The following BCR variants were observed in gnomAD, a reference collection of about 807,000 sequenced individuals.
The protein encoded by BCR is BCR activator of RhoGEF and GTPase.
A neutral mutation model predicts 138.6 loss-of-function variants in BCR; 58 were observed. The ratio of observed to expected loss-of-function variants is 0.42; its 90% CI spans 0.34 to 0.52. The LOEUF is 0.52. Ranked by LOEUF, BCR falls within the 20% of genes least tolerant of loss-of-function variation. BCR has a pLI of 0.06. For synonymous variants in BCR, 786 were observed against 730.1 expected, an observed-to-expected ratio of 1.08 and a Z score of -1.23; for missense variants, 1,599 against 1,727.2, an observed-to-expected ratio of 0.93 and a Z score of 1.32.
At chr22:23,273,273 G>C in intron 7 of BCR, 140 bp downstream of exon 7, 2 of 937,130 alleles carry the variant, frequency 2.1e-6, no homozygotes, top group Non-Finnish European at 1.6e-6. Flanking sequence ...AGAGGCCTGG[G>C]GTGGTGTTGG....
chr22:23,181,880 A>G lies in BCR; in HGVS notation c.920A>G (p.Lys307Arg). ...AGCCAGAGCACCTCTGAGCAGGAGA[A>G]GCGCCTTACCTGGCCCCGCAGGTCC... ...LRSQSTSEQE[K>R]RLTWPRRSYS... The change falls in exon 1 of 23, where the codon AAG becomes AGG. Residue 307 changes from lysine to arginine, a missense_variant. This residue lies in a region of BCR where 806 missense variants were observed against 635.0 expected (regional missense o/e 1.27). Coordinates refer to ENST00000305877, the MANE Select transcript of BCR (RefSeq NM_004327.4). 6.2e-7 allele frequency: 1 copy of G among 1,613,334 alleles called. No homozygotes were observed. Among genetic ancestry groups the G allele is most frequent in the Non-Finnish European group, 8.5e-7 (1 of 1,179,936 alleles).
chr22:23,279,895 G>A (rs2073623438), intron 8 of BCR, among the ~76,000 whole-genome samples: 1 of 152,202 alleles, frequency 6.6e-6, no homozygotes, highest in African/African-American at 2.4e-5. Flanking sequence ...CTGGAGATCC[G>A]GCAGGGTGCC....
intron 16 of BCR, among the ~76,000 whole-genome samples, chr22:23,301,158 T>A (rs2073898128): frequency 6.6e-6 from 1 of 152,274 alleles, no homozygotes; most frequent in South Asian, 2.1e-4. Context: ...ACAAAAAAAT[T>A]AGCCAGGCGC....
chr22:23,243,421 T>C (rs1047416114), intron 1 of BCR, among the ~76,000 whole-genome samples: 1 of 152,128 alleles, frequency 6.6e-6, no homozygotes, highest in African/African-American at 2.4e-5. Flanking sequence ...GCCTACCTAG[T>C]GGAACCTCCA....
chr22:23,280,351 G>A (rs914620970), intron 8 of BCR, among the ~76,000 whole-genome samples: 2 of 152,220 alleles, frequency 1.3e-5, no homozygotes, highest in Non-Finnish European at 2.9e-5. Context: ...CTCCTCAGAA[G>A]ACAGGGCACA....
At chr22:23,184,474 CTT>C (rs2072313572) in intron 1 of BCR, among the ~76,000 whole-genome samples, 1 of 152,064 alleles carries the variant, frequency 6.6e-6, no homozygotes, top group African/African-American at 2.4e-5. Flanking sequence ...TTTTTTAAGA[CTT>C]AATTTTTTTA....
In BCR at chr22:23,292,022, C is replaced by T. The variant is rs184145931; in HGVS notation, c.2783-519C>T. ...CCACTCTTCTCCAGGCCTCGCCTCC[C>T]TCCCTTCCCCCTGCACCCCACGACT... is the stretch of plus-strand genomic sequence containing the variant. On this transcript the variant is annotated intron_variant, in intron 14 of 22. Coordinates refer to ENST00000305877, the MANE Select transcript of BCR (RefSeq NM_004327.4). 4.1e-4 allele frequency among the ~76,000 whole-genome samples: 62 copies of T among 152,336 alleles called. No individual in the cohort carries two copies. The East Asian group carries it at 8.5e-3, about 21-fold the overall frequency.
intron 1 of BCR, among the ~76,000 whole-genome samples, chr22:23,191,385 A>T (rs1040489580): frequency 2.0e-5 from 3 of 152,230 alleles, no homozygotes; most frequent in Admixed American, 1.3e-4. Context: ...CACTATCTTC[A>T]TGGAAATCCT....
chr22:23,249,021 C>CAA (rs1236570522), intron 1 of BCR, among the ~76,000 whole-genome samples: 1 of 152,114 alleles, frequency 6.6e-6, no homozygotes, highest in African/African-American at 2.4e-5. Context: ...CATGGTGGCT[C>CAA]AAGCCTATAA....
At chr22:23,308,089 G>C (rs529308545) in intron 16 of BCR, among the ~76,000 whole-genome samples, 1 of 149,190 alleles carries the variant, frequency 6.7e-6, no homozygotes, top group East Asian at 2.0e-4. Context: ...GGTCCCTGCT[G>C]TTAGGCAGCT....
intron 16 of BCR, among the ~76,000 whole-genome samples, chr22:23,304,542 G>A (rs946246429): frequency 6.6e-6 from 1 of 152,142 alleles, no homozygotes; most frequent in African/African-American, 2.4e-5. Context: ...CCACGAACAT[G>A]TCCTTGGTAC....
intron 1 of BCR, among the ~76,000 whole-genome samples, chr22:23,205,918 C>T (rs1165850892): frequency 6.6e-6 from 1 of 152,158 alleles, no homozygotes; most frequent in Admixed American, 6.5e-5. Flanking sequence ...CCTCCAAATG[C>T]CTGGTGGTGA....
chr22:23,258,371 A>G (rs553634218), intron 2 of BCR, among the ~76,000 whole-genome samples: 9 of 152,312 alleles, frequency 5.9e-5, no homozygotes, highest in African/African-American at 2.2e-4. Flanking sequence ...GTGGAGGCTC[A>G]GGGCCGGAGG....
intron 16 of BCR, among the ~76,000 whole-genome samples, chr22:23,297,385 G>A (rs2073858690): frequency 6.6e-6 from 1 of 151,924 alleles, no homozygotes; most frequent in East Asian, 1.9e-4. Flanking sequence ...CTGGCCACAT[G>A]TGCTTTCCCA....
rs754478744 is a variant in BCR, at chr22:23,285,090, G to A, written c.2295G>A (p.Gln765=). 2 of 1,614,156 alleles carry A rather than the reference G, an allele frequency of 1.2e-6. No individual in the cohort carries two copies. The highest frequency in any genetic ancestry group is 1.7e-6 in the Non-Finnish European group (2 of 1,180,022). The change falls in exon 10 of 23, where the codon CAG becomes CAA. Residue 765 remains glutamine (Q), a synonymous_variant. Coordinates refer to ENST00000305877, the MANE Select transcript of BCR (RefSeq NM_004327.4). ...TTCCGCTCACGGATCTCAGCTTCCA[G>A]ATGGTGGATGAACTGGAGGCAGTGC... is the stretch of plus-strand genomic sequence containing the variant. ...WYIPLTDLSF[Q]MVDELEAVPN...
At chr22:23,238,405 A>G (rs943524120) in intron 1 of BCR, among the ~76,000 whole-genome samples, 5 of 152,006 alleles carry the variant, frequency 3.3e-5, no homozygotes, top group African/African-American at 1.2e-4. Flanking sequence ...ATCTGCCCAC[A>G]CCTGGAACAT....
intron 17 of BCR, 167 bp downstream of exon 17, chr22:23,309,650 C>T (rs1261894378): frequency 4.9e-6 from 3 of 610,742 alleles, no homozygotes; most frequent in African/African-American, 3.7e-5. Context: ...GCACGGGAAT[C>T]GTCATTCATT....
At chr22:23,219,034 A>G (rs1602027141) in intron 1 of BCR, among the ~76,000 whole-genome samples, 1 of 152,110 alleles carries the variant, frequency 6.6e-6, no homozygotes, top group Admixed American at 6.5e-5. Flanking sequence ...CTTCCAGCCC[A>G]TTCCTGCCAT....
chr22:23,242,811 C>T (rs969332635), intron 1 of BCR: 1 of 454,302 alleles, frequency 2.2e-6, no homozygotes. Context: ...CATTTATTCT[C>T]TCCCAGTTCT....
Sources: gnomAD v4.1 joint callset for allele counts (sites outside exome capture counted in the v4.1 genomes callset) on GRCh38, gnomAD v4.1.1 for gene constraint, gnomAD v4.1.1 regional missense constraint, MANE v1.5 for transcripts, NCBI Gene and HGNC (gene_info 2026-07-23, HGNC 2026-07-21) for gene names.